MASTL: variants seen among roughly 807,000 people sequenced by gnomAD.
MASTL encodes the protein microtubule associated serine/threonine kinase like.
In MASTL, 54 loss-of-function variants were observed where a neutral mutation model predicts 82.5. The ratio of observed to expected loss-of-function variants is 0.65; its 90% CI spans 0.53 to 0.82. MASTL has a LOEUF of 0.82. Among genes scored for constraint, MASTL ranks in the 40% least tolerant of loss-of-function variants. The probability of loss-of-function intolerance (pLI) is 0.00; values close to 1 mark genes in which losing one functional copy is unlikely to be tolerated. For missense variants in MASTL, 950 were observed against 1,047.8 expected, an observed-to-expected ratio of 0.91 and a Z score of 1.29; for synonymous variants, 323 against 368.9, an observed-to-expected ratio of 0.88 and a Z score of 1.43.
chr10:27,180,202 T>C (rs1291381700), intron 9 of MASTL, among the ~76,000 whole-genome samples: 1 of 152,060 alleles, frequency 6.6e-6, no homozygotes, highest in East Asian at 1.9e-4. Context: ...GAAAGGCAAA[T>C]TTATTAGACG....
upstream of MASTL, chr10:27,154,494 C>A (rs1375708112): frequency 3.6e-6 from 2 of 548,584 alleles, no homozygotes; most frequent in Non-Finnish European, 6.5e-6. Context: ...TTGACATTTA[C>A]AAGGAGCAGC....
rs182132255 is a variant in MASTL at position 27,180,560 on chromosome 10, T to G, written c.2267-393T>G. On this transcript the variant is annotated intron_variant, in intron 9 of 11. Transcript: ENST00000375940. Reference sequence around the variant, plus strand: ...GCATGTGCCACCACGCCTGGCCAATTTTTGTATTTTTAGTACAGACAGGGT... The same window carrying G: ...GCATGTGCCACCACGCCTGGCCAATGTTTGTATTTTTAGTACAGACAGGGT... Among the ~76,000 whole-genome samples, 220 of 152,194 alleles carry G rather than the reference T, an allele frequency of 1.4e-3. 3 individuals are homozygous for G. The South Asian group carries it at 0.023, about 16-fold the overall frequency.
chr10:27,176,465 C>T (rs1453421270), intron 9 of MASTL, among the ~76,000 whole-genome samples: 2 of 152,136 alleles, frequency 1.3e-5, no homozygotes, highest in African/African-American at 4.8e-5. Flanking sequence ...CCAAATTGAT[C>T]ACGACATTTG....
Position 27,171,004 on chromosome 10 carries a change from A to G in MASTL, c.2045A>G (p.Asp682Gly). The stretch of plus-strand genomic sequence containing the variant: ...AACATGACTTCTTTAGATGCAATGG[A>G]TATTTCGTGTGCCTACAGTGGTTCA... Reference protein sequence around the residue: ...RMNMTSLDAMDISCAYSGSYP... With the variant: ...RMNMTSLDAMGISCAYSGSYP... The change falls in exon 8 of 12, where the codon GAT becomes GGT. Residue 682 changes from aspartate (D) to glycine (G), a missense_variant. Physicochemically the swap from Asp to Gly is moderately conservative, Grantham distance 94. Transcript: ENST00000375940. The G allele has an allele frequency of 6.2e-7, 1 of 1,614,118 alleles. No homozygotes were observed. Among genetic ancestry groups the G allele is most frequent in the Non-Finnish European group, 8.5e-7 (1 of 1,179,974 alleles).
chr10:27,185,789 A>C (rs1045934443), intron 11 of MASTL, among the ~76,000 whole-genome samples: 2 of 150,184 alleles, frequency 1.3e-5, no homozygotes, highest in African/African-American at 4.9e-5. Context: ...TCCATTTCAA[A>C]AAAAAAAAAA....
intron 9 of MASTL, among the ~76,000 whole-genome samples, chr10:27,175,288 T>G (rs907992139): frequency 6.6e-6 from 1 of 152,108 alleles, no homozygotes; most frequent in Non-Finnish European, 1.5e-5. Flanking sequence ...GTTCAAGATA[T>G]TCTCCTGCCT....
upstream of MASTL, chr10:27,154,850 T>C (rs1246650933): frequency 6.4e-6 from 1 of 157,174 alleles, no homozygotes; most frequent in Non-Finnish European, 1.4e-5. Context: ...TCGAAAACTC[T>C]CCCTGTTGGT....
chr10:27,186,300 T>G (rs1311065905), intron 11 of MASTL, 79 bp from the exon 12 acceptor site: 4 of 1,377,676 alleles, frequency 2.9e-6, no homozygotes, highest in Non-Finnish European at 4.1e-6. Context: ...TGAGACATTC[T>G]CTTTTTATAA....
chr10:27,181,810 C>T (rs1374650417), intron 11 of MASTL, among the ~76,000 whole-genome samples: 1 of 152,034 alleles, frequency 6.6e-6, no homozygotes, highest in East Asian at 1.9e-4. Context: ...TGTGGTGGCT[C>T]AGGCCTGTAA....
chr10:27,181,829 C>T (rs2058329345), intron 11 of MASTL, among the ~76,000 whole-genome samples: 1 of 152,084 alleles, frequency 6.6e-6, no homozygotes, highest in Non-Finnish European at 1.5e-5. Flanking sequence ...AATCCAAGCA[C>T]TCTGGTAGGC....
intron 9 of MASTL, among the ~76,000 whole-genome samples, chr10:27,176,339 C>T (rs1365468126): frequency 6.6e-6 from 1 of 152,192 alleles, no homozygotes. Context: ...TCTTCAACTT[C>T]ATCTTATTAT....
chr10:27,171,182 G>A, intron 8 of MASTL, 99 bp downstream of exon 8: 1 of 1,020,848 alleles, frequency 9.8e-7, no homozygotes. Context: ...TAATCATATA[G>A]TTCTGTTCTT....
At chr10:27,165,192 T>A (rs1164593363) in intron 5 of MASTL, 22 bp downstream of exon 5, 1 of 1,499,648 alleles carries the variant, frequency 6.7e-7, no homozygotes. Flanking sequence ...AGAAGAAAAT[T>A]AACATGACAT....
Position 27,170,456 on chromosome 10 carries a change from A to G in MASTL, c.1497A>G (p.Gln499=). 1 of 1,614,178 alleles carries G rather than the reference A, an allele frequency of 6.2e-7. No homozygotes were observed. The highest frequency in any genetic ancestry group is 1.7e-5 in the Admixed American group (1 of 60,028). ...TTAAGCTATCAGTGCACAAAAGTCA[A>G]CAAAATGACTGTGCTAATAAGGAGA... ...QDLKLSVHKS[Q]QNDCANKENI... Residue 499 remains glutamine, a synonymous_variant, in exon 8 of 12, where the codon CAA becomes CAG. Coordinates refer to ENST00000375940, the MANE Select transcript of MASTL (RefSeq NM_001172303.3).
chr10:27,174,113 G>A (rs1021610996), intron 9 of MASTL, among the ~76,000 whole-genome samples: 2 of 151,830 alleles, frequency 1.3e-5, no homozygotes, highest in African/African-American at 4.8e-5. Context: ...CTAGCACTTC[G>A]GGAGGCCAAG....
At chr10:27,158,776 CT>C in intron 2 of MASTL, 90 bp downstream of exon 2, 1 of 1,414,598 alleles carries the variant, frequency 7.1e-7, no homozygotes, top group Non-Finnish European at 1.0e-6. Context: ...GTTCAGAGTG[CT>C]TGCATTTGAA....
chr10:27,182,074 C>CAA (rs544379603), intron 11 of MASTL, among the ~76,000 whole-genome samples: 4 of 95,486 alleles, frequency 4.2e-5, no homozygotes, highest in Non-Finnish European at 4.2e-5. Flanking sequence ...GACTCCCTCT[C>CAA]AAAAAAAAAA....
intron 9 of MASTL, chr10:27,177,875 A>G (rs1331705910): frequency 4.7e-6 from 3 of 632,732 alleles, no homozygotes; most frequent in Non-Finnish European, 5.9e-6. Context: ...CAGTCAAAGT[A>G]TAACTAGATC....
In MASTL at chr10:27,170,827, T is replaced by G; in HGVS notation, c.1868T>G (p.Val623Gly). The G allele has an allele frequency of 6.2e-7, 1 of 1,614,160 alleles. No individual in the cohort carries two copies. Among genetic ancestry groups the G allele is most frequent in the African/African-American group, 1.3e-5 (1 of 75,056 alleles). The change falls in exon 8 of 12, where the codon GTC becomes GGC. Residue 623 changes from valine (V) to glycine (G), a missense_variant. Physicochemically the swap from Val to Gly is moderately radical, Grantham distance 109. Coordinates refer to ENST00000375940, the MANE Select transcript of MASTL (RefSeq NM_001172303.3). ...CAAGAAAAGACCTCACCAAAAGGTG[T>G]CGAGAACCCTGCTGTACAAGAGAGT... The part of the protein sequence containing the change: ...DCQEKTSPKG[V>G]ENPAVQESNQ...
Sources: allele counts gnomAD v4.1 joint callset (sites outside exome capture counted in the v4.1 genomes callset), GRCh38; gene constraint gnomAD v4.1.1; transcripts MANE v1.5; gene names NCBI Gene and HGNC (gene_info 2026-07-23, HGNC 2026-07-21).